NSD2: variants seen among roughly 807,000 people sequenced by gnomAD.
NSD2 encodes the protein histone-lysine N-methyltransferase NSD2.
A neutral mutation model predicts 139.0 loss-of-function variants in NSD2; 12 were observed. The ratio of observed to expected loss-of-function variants is 0.09; its 90% CI spans 0.06 to 0.14. NSD2 has a LOEUF of 0.14. Among genes scored for constraint, NSD2 ranks in the 10% least tolerant of loss-of-function variants. NSD2 has a pLI of 1.00. For missense variants in NSD2, 1,155 were observed against 1,745.0 expected (o/e 0.66, Z 6.02); for synonymous variants, 669 against 648.7 (o/e 1.03, Z -0.48).
chr4:1,960,985 A>G, intron 17 of NSD2, 50 bp from the exon 18 acceptor site: 1 of 1,502,888 alleles, frequency 6.7e-7, no homozygotes, highest in Non-Finnish European at 9.2e-7. Context: ...CCCGACACTG[A>G]GGATTGGTCA....
chr4:1,906,926 G>A (rs547772626), intron 3 of NSD2, among the ~76,000 whole-genome samples: 76 of 152,086 alleles, frequency 5.0e-4, no homozygotes, highest in Non-Finnish European at 9.3e-4. Context: ...CTCCCAAAGT[G>A]CTGGGATTAC....
chr4:1,931,267 G>A (rs1721600589), intron 6 of NSD2, among the ~76,000 whole-genome samples: 1 of 152,194 alleles, frequency 6.6e-6, no homozygotes, highest in Non-Finnish European at 1.5e-5. Flanking sequence ...TTGCCTGAGA[G>A]CTCATAGGGC....
In NSD2 at chr4:1,955,368, C is replaced by T. The variant is rs1414082117; in HGVS notation, c.2518+28C>T. On this transcript the variant is annotated intron_variant, in intron 13 of 21. Coordinates refer to ENST00000508803, the MANE Select transcript of NSD2 (RefSeq NM_001042424.3). The surrounding 1 kb of genome is among the most constrained non-coding windows in gnomAD (Gnocchi z 4.7). The stretch of plus-strand genomic sequence containing the variant: ...GAGGGGCCTGGGGGTGTCTGCGGCA[C>T]ACGCCTCTCACACTCCCAGGAGCCA... 1.9e-6 allele frequency: 3 copies of T among 1,587,162 alleles called. No homozygotes were observed. The highest frequency in any genetic ancestry group is 1.1e-5 in the South Asian group (1 of 89,454).
Position 1,942,310 on chromosome 4 carries a change from CTTA to C in NSD2, c.1881+2535_1881+2537del. 6.2e-7 allele frequency: 1 copy of C among 1,609,954 alleles called. No homozygotes were observed. Among genetic ancestry groups the C allele is most frequent in the Non-Finnish European group, 8.5e-7 (1 of 1,178,934 alleles). ...TTTTATTCCTTTAGTAGAGCAAATT[CTTA>C]TTTTTTTCGCCTTCACTGGTAACAG... On this transcript the variant is annotated intron_variant, in intron 9 of 21. Coordinates refer to ENST00000508803, the MANE Select transcript of NSD2 (RefSeq NM_001042424.3). The surrounding 1 kb of genome is among the most constrained non-coding windows in gnomAD (Gnocchi z 4.0).
chr4:1,923,342 T>G (rs1244654984), intron 5 of NSD2, among the ~76,000 whole-genome samples: 1 of 151,246 alleles, frequency 6.6e-6, no homozygotes, highest in Non-Finnish European at 1.5e-5. Context: ...AAAAAAATTC[T>G]TATGTGTCAA....
At chr4:1,975,920 G>C (rs1468821017) in intron 20 of NSD2, among the ~76,000 whole-genome samples, 1 of 152,186 alleles carries the variant, frequency 6.6e-6, no homozygotes, top group African/African-American at 2.4e-5. Context: ...CACCTTCCAA[G>C]GTTCCAGGAA....
At chr4:1,953,987 A>ATTTTTTTTTT (rs750322460) in intron 12 of NSD2, among the ~76,000 whole-genome samples, 2 of 133,264 alleles carry the variant, frequency 1.5e-5, no homozygotes, top group African/African-American at 5.6e-5. Context: ...ATTTTTGTAA[A>ATTTTTTTTTT]TTTTTTTTTT....
At chr4:1,943,765 A>G in intron 9 of NSD2, 3 of 1,059,592 alleles carry the variant, frequency 2.8e-6, no homozygotes, top group Non-Finnish European at 3.4e-6. Context: ...GGGGAAAAAA[A>G]GATGGTATAA....
intron 9 of NSD2, chr4:1,946,972 A>G: frequency 9.4e-7 from 1 of 1,062,220 alleles, no homozygotes. Flanking sequence ...ATTTTGAAGC[A>G]TGCTGACCAT....
chr4:1,946,547 GC>G (rs1286495478), intron 9 of NSD2: 4 of 1,015,122 alleles, frequency 3.9e-6, no homozygotes, highest in African/African-American at 1.7e-5. Context: ...GGGATTACAG[GC>G]GTAAGCCACT....
At chr4:1,969,212 G>C (rs1311774568) in intron 18 of NSD2, among the ~76,000 whole-genome samples, 1 of 152,164 alleles carries the variant, frequency 6.6e-6, no homozygotes. Flanking sequence ...TCTTTGAAAG[G>C]ATCACCTTCC....
intron 1 of NSD2, among the ~76,000 whole-genome samples, chr4:1,890,119 A>C (rs568834373): frequency 2.6e-4 from 39 of 152,226 alleles, no homozygotes; most frequent in African/African-American, 8.9e-4. Context: ...ACTTAGCATC[A>C]TGTTTATCTA....
intron 1 of NSD2, among the ~76,000 whole-genome samples, chr4:1,894,783 T>G (rs1056419650): frequency 2.6e-5 from 4 of 152,194 alleles, no homozygotes; most frequent in Non-Finnish European, 5.9e-5. Flanking sequence ...AGAGGATTTT[T>G]GGGGGTATAC....
chr4:1,951,733 G>A (rs1029765763), intron 10 of NSD2, among the ~76,000 whole-genome samples: 4 of 151,872 alleles, frequency 2.6e-5, no homozygotes, highest in Non-Finnish European at 5.9e-5. Context: ...CCAGGCAGTC[G>A]ATGCATGGGA....
At chr4:1,943,275 C>T in intron 9 of NSD2, 3 of 1,044,056 alleles carry the variant, frequency 2.9e-6, no homozygotes, top group Non-Finnish European at 3.5e-6. Context: ...CCGGCAGATT[C>T]TTTGGCTGTG....
intron 2 of NSD2, among the ~76,000 whole-genome samples, chr4:1,901,645 C>T (rs1295065649): frequency 6.6e-6 from 1 of 152,216 alleles, no homozygotes; most frequent in Non-Finnish European, 1.5e-5. Context: ...TCAGTGGAGA[C>T]AGGCTGGGCT....
intron 3 of NSD2, among the ~76,000 whole-genome samples, chr4:1,912,538 A>G (rs903686248): frequency 6.6e-6 from 1 of 151,780 alleles, no homozygotes; most frequent in Non-Finnish European, 1.5e-5. Flanking sequence ...AATTTTTTTC[A>G]AGTATTCATC....
rs61397233 is a variant in NSD2, at chr4:1,888,410, CAAAAA to C, written c.-29-12193_-29-12189del. Among the ~76,000 whole-genome samples the C allele has an allele frequency of 8.1e-3, 430 of 53,230 alleles. 2 individuals are homozygous for C. Among genetic ancestry groups the C allele is most frequent in the African/African-American group, 0.031 (407 of 13,270 alleles). 34.9% of individuals were successfully genotyped at this position (53,230 alleles called of 152,430 possible). ...CCTGGGTGACAGAGCGAGATTGCCT[CAAAAA>C]AAAAAAAAAAAAAAAAAAAAAAGAC... On this transcript the variant is annotated intron_variant, in intron 1 of 21. Coordinates refer to ENST00000508803, the MANE Select transcript of NSD2 (RefSeq NM_001042424.3).
intron 18 of NSD2, among the ~76,000 whole-genome samples, chr4:1,969,449 C>A (rs948360182): frequency 6.6e-6 from 1 of 152,110 alleles, no homozygotes; most frequent in East Asian, 1.9e-4. Flanking sequence ...CCTATAATCC[C>A]AGCACTTTGG....
Sources: allele counts gnomAD v4.1 joint callset (sites outside exome capture counted in the v4.1 genomes callset), GRCh38; gene constraint gnomAD v4.1.1; non-coding constraint Gnocchi (gnomAD v3.1); transcripts MANE v1.5; gene names NCBI Gene and HGNC (gene_info 2026-07-23, HGNC 2026-07-21).